The following NUP62CL variants were observed in gnomAD, a reference collection of about 807,000 sequenced individuals.
The protein encoded by NUP62CL is nucleoporin 62 C-terminal like, also known as nucleoporin-62 C-terminal-like protein.
NUP62CL carries 13 observed loss-of-function variants against 15.3 expected under a neutral mutation model. The observed-to-expected ratio is 0.85, with a 90% CI of 0.55 to 1.35. The LOEUF is 1.35. Ranked by LOEUF, NUP62CL falls within the 40% of genes most tolerant of loss-of-function variation. The probability of loss-of-function intolerance (pLI) is 0.00; values close to 1 mark genes in which losing one functional copy is unlikely to be tolerated. For missense variants in NUP62CL, 123 were observed against 130.6 expected (o/e 0.94, Z 0.28); for synonymous variants, 54 against 49.2 (o/e 1.10, Z -0.41).
At chrX:107,147,574 A>T (rs1925908196) in intron 8 of NUP62CL, among the ~76,000 whole-genome samples, 169 bp downstream of exon 8, 4 of 111,598 alleles carry the variant, frequency 3.6e-5, no homozygotes. Context: ...TACTTCATTT[A>T]AAAAAATAAG....
At chrX:107,168,441 C>T (rs1926565970) in intron 3 of NUP62CL, among the ~76,000 whole-genome samples, 1 of 111,876 alleles carries the variant, frequency 8.9e-6, no homozygotes, top group Non-Finnish European at 1.9e-5. Flanking sequence ...TTTTCTGTTA[C>T]ACCCCTATTA....
intron 7 of NUP62CL, among the ~76,000 whole-genome samples, chrX:107,152,135 G>GATAT (rs5903301): frequency 0.062 from 2,937 of 47,205 alleles, 552 homozygotes; most frequent in African/African-American, 0.33. Context: ...TATATATTCA[G>GATAT]ATATATATAT....
chrX:107,200,322 T>C (rs915688790), intron 1 of NUP62CL, among the ~76,000 whole-genome samples: 3 of 111,420 alleles, frequency 2.7e-5, no homozygotes, highest in Non-Finnish European at 5.6e-5. Context: ...AAGTGTGATA[T>C]TGCTGAAGAC....
At chrX:107,152,091 TATATTCAG>T (rs1428926482) in intron 7 of NUP62CL, among the ~76,000 whole-genome samples, 39 of 71,788 alleles carry the variant, frequency 5.4e-4, no homozygotes, top group Admixed American at 1.5e-3. Context: ...TATATATATA[TATATTCAG>T]ATATATATAT....
At chrX:107,132,649 T>C (rs1426507730) in intron 8 of NUP62CL, among the ~76,000 whole-genome samples, 1 of 111,561 alleles carries the variant, frequency 9.0e-6, no homozygotes, top group African/African-American at 3.3e-5. Flanking sequence ...TGGTACCAGC[T>C]ACTGGGCAGC....
chrX:107,190,386 T>C (rs1412784435), intron 2 of NUP62CL, among the ~76,000 whole-genome samples: 1 of 112,372 alleles, frequency 8.9e-6, no homozygotes, highest in Non-Finnish European at 1.9e-5. Flanking sequence ...AAATATTTGT[T>C]AAACATAAGC....
chrX:107,131,939 T>G, intron 8 of NUP62CL: 1 of 1,022,913 alleles, frequency 9.8e-7, no homozygotes, highest in South Asian at 1.9e-5. Context: ...ATGAAGAAGC[T>G]CAGCATGACA....
In NUP62CL at chrX:107,157,258, GA is replaced by G. The variant is rs1317985216; in HGVS notation, c.195-3013del. On this transcript the variant is annotated intron_variant, in intron 4 of 8. Transcript: ENST00000372466. ...ATCTAGCAAGGCAGGCCAACGTTCA[GA>G]TTCAGGAAATACAGAGAACGCCACA... Among the ~76,000 whole-genome samples the G allele has an allele frequency of 3.8e-5, 4 of 105,649 alleles. No homozygotes were observed. In the East Asian group the frequency reaches 1.2e-3, roughly 32 times the overall value. 91.7% of individuals were successfully genotyped at this position (105,649 alleles called of 115,157 possible).
At chrX:107,139,900 T>G (rs1368148100) in intron 8 of NUP62CL, among the ~76,000 whole-genome samples, 2 of 111,930 alleles carry the variant, frequency 1.8e-5, no homozygotes, top group African/African-American at 6.5e-5. Flanking sequence ...TACTCATAGA[T>G]TCTTTTAAGA....
chrX:107,161,835 A>G (rs1926391571), intron 4 of NUP62CL, among the ~76,000 whole-genome samples: 1 of 105,958 alleles, frequency 9.4e-6, no homozygotes. Context: ...AAAAATGAAA[A>G]AAAAATTACC....
rs1305919822 is a variant in NUP62CL, at chrX:107,184,292, AAGAGAAGAAAGAAAGAAAG to A, written c.-48+8718_-48+8736del. Among the ~76,000 whole-genome samples, 226 of 54,325 alleles carry A rather than the reference AAGAGAAGAAAGAAAGAAAG, an allele frequency of 4.2e-3. 4 individuals are homozygous for A. The highest frequency in any genetic ancestry group is 0.02 in the African/African-American group (209 of 10,572). The allele number at this position is 54,325 out of a possible 115,157, so 47.2% of individuals were successfully genotyped here. ...GAAAAAACCCGCCTCAGCACAAAAA[AAGAGAAGAAAGAAAGAAAG>A]AAAGAAAGAAAGAAAGAAAGAAAGA... On this transcript the variant is annotated intron_variant, in intron 2 of 8. Transcript: ENST00000372466.
At chrX:107,179,900 A>G (rs1028585931) in intron 2 of NUP62CL, among the ~76,000 whole-genome samples, 1 of 111,995 alleles carries the variant, frequency 8.9e-6, no homozygotes, top group Non-Finnish European at 1.9e-5. Flanking sequence ...ATATGTTGCA[A>G]TAATTCCTCT....
Position 107,145,422 on chromosome X carries a change from C to T in NUP62CL, c.*42+2321G>A, listed in dbSNP as rs767816698. On this transcript the variant is annotated intron_variant, in intron 8 of 8. Coordinates refer to ENST00000372466, the MANE Select transcript of NUP62CL (RefSeq NM_017681.3). ...AAGTCTATAAAAATGATTTCCACCCCCCAATTTTTAAGTCTATAGGAAAGT... is the reference window on the plus strand; with the variant it reads ...AAGTCTATAAAAATGATTTCCACCCTCCAATTTTTAAGTCTATAGGAAAGT... Among the ~76,000 whole-genome samples, 9 of 111,031 alleles carry T rather than the reference C, an allele frequency of 8.1e-5. No individual in the cohort carries two copies. The South Asian group carries it at 3.4e-3, about 42-fold the overall frequency.
intron 7 of NUP62CL, among the ~76,000 whole-genome samples, chrX:107,148,704 A>G (rs1272255185): frequency 9.0e-6 from 1 of 111,596 alleles, no homozygotes; most frequent in Non-Finnish European, 1.9e-5. Flanking sequence ...TTGTAAGAAA[A>G]TGTGACTGAA....
chrX:107,184,622 T>C (rs1438987189), intron 2 of NUP62CL, among the ~76,000 whole-genome samples: 2 of 111,449 alleles, frequency 1.8e-5, no homozygotes, highest in African/African-American at 6.5e-5. Context: ...AACTTTCGTG[T>C]CATCAGAGAC....
At position 107,176,939 on chromosome X, in the gene NUP62CL, G is replaced by T. The variant is rs146049072; in HGVS notation, c.-47-1746C>A. On this transcript the variant is annotated intron_variant, in intron 2 of 8. Transcript: ENST00000372466. The stretch of plus-strand genomic sequence containing the variant: ...CAAGGATGTCTGCTCTAGCCACTTC[G>T]ATTCAACAATACATTGAAAATTCTA... Among the ~76,000 whole-genome samples the T allele has an allele frequency of 8.1e-5, 9 of 111,100 alleles. No homozygotes were observed. The South Asian group carries it at 3.5e-3, about 43-fold the overall frequency.
intron 8 of NUP62CL, among the ~76,000 whole-genome samples, chrX:107,137,788 T>C (rs1925676170): frequency 8.9e-6 from 1 of 111,952 alleles, no homozygotes; most frequent in Non-Finnish European, 1.9e-5. Context: ...ACAGTAAAGA[T>C]GTTAATTCTC....
At chrX:107,153,125 A>G in intron 7 of NUP62CL, 47 bp downstream of exon 7, 2 of 1,124,950 alleles carry the variant, frequency 1.8e-6, no homozygotes, top group Non-Finnish European at 2.4e-6. Flanking sequence ...ATGCTCTCAG[A>G]ATACGTAAGT....
At chrX:107,189,933 GAAAGAAAGAAA>G (rs1927195778) in intron 2 of NUP62CL, among the ~76,000 whole-genome samples, 1 of 106,034 alleles carries the variant, frequency 9.4e-6, no homozygotes, top group South Asian at 4.2e-4. Flanking sequence ...AAGAAAGAAA[GAAAGAAAGAAA>G]GAGAATCGAT....
Sources: allele counts gnomAD v4.1 joint callset (sites outside exome capture counted in the v4.1 genomes callset), GRCh38; gene constraint gnomAD v4.1.1; transcripts MANE v1.5; gene names NCBI Gene and HGNC (gene_info 2026-07-23, HGNC 2026-07-21).